The following EPHA3 variants were observed in gnomAD, a reference collection of about 807,000 sequenced individuals.
EPHA3 encodes EPH receptor A3, also known as ephrin type-A receptor 3.
Under a neutral mutation model 107.1 loss-of-function variants are expected in EPHA3, and 42 were observed. The observed-to-expected ratio is 0.39, with a 90% CI of 0.31 to 0.51. The LOEUF is 0.51. EPHA3 is among the 20% of genes least tolerant of loss of function. EPHA3 has a pLI of 0.78. For synonymous variants in EPHA3, 461 were observed against 424.8 expected, an observed-to-expected ratio of 1.09 and a Z score of -1.05; for missense variants, 1,183 against 1,211.2, an observed-to-expected ratio of 0.98 and a Z score of 0.35.
At chr3:89,377,889 G>GA (rs1295488247) in intron 5 of EPHA3, among the ~76,000 whole-genome samples, 1 of 152,046 alleles carries the variant, frequency 6.6e-6, no homozygotes, top group Non-Finnish European at 1.5e-5. Flanking sequence ...GGAACACATA[G>GA]AAAAATGTTC....
chr3:89,408,208 T>C, intron 9 of EPHA3, 77 bp downstream of exon 9: 2 of 1,393,424 alleles, frequency 1.4e-6, no homozygotes, highest in Non-Finnish European at 2.0e-6. Context: ...ATTGGTTAAC[T>C]TCCTCCTGAC....
chr3:89,159,052 C>T (rs149923892), intron 2 of EPHA3, among the ~76,000 whole-genome samples: 8 of 152,052 alleles, frequency 5.3e-5, no homozygotes, highest in African/African-American at 1.4e-4. Flanking sequence ...GCATTATTTA[C>T]CTAATTCATT....
chr3:89,352,981 T>G (rs1294638650), intron 5 of EPHA3, among the ~76,000 whole-genome samples: 4 of 150,258 alleles, frequency 2.7e-5, no homozygotes, highest in African/African-American at 9.7e-5. Flanking sequence ...AAAGAAAATA[T>G]TTCTAAGTTT....
chr3:89,472,327 AT>A (rs1710418327), intron 15 of EPHA3, 136 bp from the exon 16 acceptor site: 1 of 937,310 alleles, frequency 1.1e-6, no homozygotes, highest in Non-Finnish European at 1.6e-6. Context: ...TGAAGCTTTC[AT>A]GGCAGATAAA....
At chr3:89,171,814 G>A (rs1705214936) in intron 2 of EPHA3, among the ~76,000 whole-genome samples, 1 of 152,096 alleles carries the variant, frequency 6.6e-6, no homozygotes, top group African/African-American at 2.4e-5. Context: ...TTTGAATCAG[G>A]AACCACCTTA....
chr3:89,219,688 G>GTTTTTTTTTGTTTTGT (rs1553666929), intron 3 of EPHA3, among the ~76,000 whole-genome samples: 1 of 34,440 alleles, frequency 2.9e-5, no homozygotes, highest in East Asian at 8.5e-4. Flanking sequence ...ATTTGGCAAT[G>GTTTTTTTTTGTTTTGT]TTTTTTTTTT....
chr3:89,308,602 AT>A (rs11304817), intron 3 of EPHA3, among the ~76,000 whole-genome samples: 57,695 of 146,722 alleles, frequency 0.39, 11,592 homozygotes, highest in Non-Finnish European at 0.47. Context: ...AGCCAAGGGA[AT>A]TTTTTTTTTT....
At chr3:89,152,516 C>A (rs1576187406) in intron 2 of EPHA3, among the ~76,000 whole-genome samples, 2 of 151,982 alleles carry the variant, frequency 1.3e-5, no homozygotes, top group Non-Finnish European at 2.9e-5. Flanking sequence ...TACTGTTAAA[C>A]TTTTTAGGGA....
intron 5 of EPHA3, among the ~76,000 whole-genome samples, chr3:89,370,909 A>C (rs1708287875): frequency 6.6e-6 from 1 of 151,654 alleles, no homozygotes; most frequent in Admixed American, 6.6e-5. Context: ...GTAGCCCCTC[A>C]AACTGGTACT....
chr3:89,145,579 T>C (rs1204324629), intron 2 of EPHA3, among the ~76,000 whole-genome samples: 1 of 151,846 alleles, frequency 6.6e-6, no homozygotes, highest in Non-Finnish European at 1.5e-5. Context: ...GCTTATATCC[T>C]TCCATTCTTT....
At chr3:89,174,307 T>C (rs990367872) in intron 2 of EPHA3, among the ~76,000 whole-genome samples, 1 of 152,006 alleles carries the variant, frequency 6.6e-6, no homozygotes, top group Non-Finnish European at 1.5e-5. Context: ...CTAGGAGTGC[T>C]TAAGTCTTCT....
At chr3:89,210,713 T>C (rs567603353) in intron 3 of EPHA3, among the ~76,000 whole-genome samples, 193 bp downstream of exon 3, 1 of 152,156 alleles carries the variant, frequency 6.6e-6, no homozygotes, top group Non-Finnish European at 1.5e-5. Context: ...GAAATATTAA[T>C]GTATTTGATT....
At chr3:89,107,912 C>T (rs1382480568) in intron 1 of EPHA3, 76 bp downstream of exon 1, 3 of 1,446,318 alleles carry the variant, frequency 2.1e-6, no homozygotes, top group African/African-American at 1.4e-5. Context: ...TCACCGAAGC[C>T]TTGCACGTCG....
chr3:89,351,285 A>AC (rs1707811121), intron 5 of EPHA3, among the ~76,000 whole-genome samples: 1 of 150,896 alleles, frequency 6.6e-6, no homozygotes, highest in African/African-American at 2.4e-5. Context: ...TGGGCGTAGG[A>AC]CCCTCTGAGC....
Position 89,395,980 on chromosome 3 carries a change from A to G in EPHA3, c.1431+19A>G. 9.3e-6 allele frequency: 15 copies of G among 1,612,740 alleles called. No homozygotes were observed. The highest frequency in any genetic ancestry group is 1.3e-5 in the Non-Finnish European group (15 of 1,179,268). On this transcript the variant is annotated intron_variant, in intron 6 of 16. Coordinates refer to ENST00000336596, the MANE Select transcript of EPHA3 (RefSeq NM_005233.6). ...TGAAAAGGTGGGGAAACAATGTTTA[A>G]GGGTTGGGCTGTGTAGGCAAGAAGC...
chr3:89,243,540 G>A (rs1162702641), intron 3 of EPHA3, among the ~76,000 whole-genome samples: 1 of 152,148 alleles, frequency 6.6e-6, no homozygotes, highest in Non-Finnish European at 1.5e-5. Context: ...TCTTTTGGCT[G>A]CATAAATATC....
intron 2 of EPHA3, among the ~76,000 whole-genome samples, chr3:89,135,806 T>C (rs1378172915): frequency 6.6e-6 from 1 of 151,528 alleles, no homozygotes; most frequent in Non-Finnish European, 1.5e-5. Flanking sequence ...GAAAATTATA[T>C]TGATTGTTAT....
intron 3 of EPHA3, among the ~76,000 whole-genome samples, chr3:89,303,170 A>G (rs1468007957): frequency 2.0e-5 from 3 of 152,182 alleles, no homozygotes; most frequent in Admixed American, 2.0e-4. Context: ...TGCTGGGATT[A>G]CAGACTTGAG....
At chr3:89,146,312 A>C (rs184422044) in intron 2 of EPHA3, among the ~76,000 whole-genome samples, 1 of 152,018 alleles carries the variant, frequency 6.6e-6, no homozygotes, top group Admixed American at 6.6e-5. Flanking sequence ...TTAACTTAAT[A>C]ATCCCCCAAA....
Sources: gnomAD v4.1 joint callset for allele counts (sites outside exome capture counted in the v4.1 genomes callset) on GRCh38, gnomAD v4.1.1 for gene constraint, MANE v1.5 for transcripts, NCBI Gene and HGNC (gene_info 2026-07-23, HGNC 2026-07-21) for gene names.